The following TENM2 variants were observed in gnomAD, a reference collection of about 807,000 sequenced individuals.
TENM2 encodes the protein teneurin-2.
A neutral mutation model predicts 245.2 loss-of-function variants in TENM2; 52 were observed. The ratio of observed to expected loss-of-function variants is 0.21; its 90% CI spans 0.17 to 0.27. The LOEUF is 0.27. TENM2 is among the 10% of genes least tolerant of loss of function. TENM2 has a pLI of 1.00. For synonymous variants in TENM2, 1,363 were observed against 1,438.9 expected (o/e 0.95, Z 1.19); for missense variants, 3,046 against 3,666.8 (o/e 0.83, Z 4.37).
intron 2 of TENM2, among the ~76,000 whole-genome samples, chr5:167,395,150 G>A (rs1342056955): frequency 6.6e-6 from 1 of 152,046 alleles, no homozygotes; most frequent in African/African-American, 2.4e-5. Context: ...TCATTTATTT[G>A]TGTCTCTTTT....
chr5:167,065,820 T>C, the TENM2 span, among the ~76,000 whole-genome samples: 1 of 152,224 alleles, frequency 6.6e-6, no homozygotes, highest in Non-Finnish European at 1.5e-5. Flanking sequence ...TAGACAACAG[T>C]GGTCAGGATT....
At chr5:167,994,534 A>G (rs1035198661) in intron 5 of TENM2, among the ~76,000 whole-genome samples, 1 of 152,230 alleles carries the variant, frequency 6.6e-6, no homozygotes, top group East Asian at 1.9e-4. Flanking sequence ...AGGCAGACCA[A>G]TATGAGCCAA....
chr5:168,146,723 A>ATCATCATT (rs1346023461), intron 12 of TENM2, among the ~76,000 whole-genome samples: 2 of 152,204 alleles, frequency 1.3e-5, no homozygotes, highest in African/African-American at 4.8e-5. Flanking sequence ...TACTGTTAGC[A>ATCATCATT]TCATCATTTC....
the TENM2 span, among the ~76,000 whole-genome samples, chr5:167,248,528 C>A: frequency 6.6e-6 from 1 of 152,102 alleles, no homozygotes; most frequent in African/African-American, 2.4e-5. Flanking sequence ...GATACTTGGA[C>A]TACACTTTGA....
At chr5:168,149,067 A>G (rs968390833) in intron 12 of TENM2, among the ~76,000 whole-genome samples, 5 of 152,096 alleles carry the variant, frequency 3.3e-5, no homozygotes, top group Non-Finnish European at 5.9e-5. Context: ...AAGAGACCCT[A>G]TTGCCAAGAA....
the TENM2 span, among the ~76,000 whole-genome samples, chr5:167,047,855 G>A: frequency 6.6e-6 from 1 of 152,102 alleles, no homozygotes; most frequent in Non-Finnish European, 1.5e-5. Flanking sequence ...TACTACATCA[G>A]GGAACAAGTG....
At chr5:167,171,256 C>G in the TENM2 span, among the ~76,000 whole-genome samples, 1 of 152,276 alleles carries the variant, frequency 6.6e-6, no homozygotes, top group South Asian at 2.1e-4. Flanking sequence ...TTTACCATAA[C>G]TATACATTTG....
chr5:168,134,096 A>C (rs1488178092), intron 12 of TENM2, among the ~76,000 whole-genome samples: 2 of 152,118 alleles, frequency 1.3e-5, no homozygotes, highest in Non-Finnish European at 2.9e-5. Context: ...TGGAGGTTGC[A>C]GTGAGCTGAG....
intron 2 of TENM2, among the ~76,000 whole-genome samples, chr5:167,849,699 G>T (rs527502122): frequency 1.3e-5 from 2 of 152,238 alleles, no homozygotes; most frequent in East Asian, 3.9e-4. Context: ...CCTTCCTTGG[G>T]TTCTATTAAT....
At chr5:167,586,676 T>TA (rs1447204517) in intron 2 of TENM2, among the ~76,000 whole-genome samples, 1 of 152,114 alleles carries the variant, frequency 6.6e-6, no homozygotes, top group Non-Finnish European at 1.5e-5. Flanking sequence ...AGAGGTAATT[T>TA]AAAAAATGGA....
At chr5:167,453,783 C>T (rs1045121296) in intron 2 of TENM2, among the ~76,000 whole-genome samples, 6 of 152,158 alleles carry the variant, frequency 3.9e-5, no homozygotes, top group Non-Finnish European at 7.3e-5. Context: ...AAAACATCCA[C>T]TCATCTCAAC....
chr5:167,778,640 G>GA (rs1763973373), intron 2 of TENM2, among the ~76,000 whole-genome samples: 1 of 152,192 alleles, frequency 6.6e-6, no homozygotes, highest in Middle Eastern at 3.4e-3. Context: ...AAACACTTGG[G>GA]TTTTTTTCCC....
At chr5:167,842,216 G>T (rs1267705932) in intron 2 of TENM2, among the ~76,000 whole-genome samples, 2 of 152,050 alleles carry the variant, frequency 1.3e-5, no homozygotes, top group Non-Finnish European at 2.9e-5. Flanking sequence ...GGATGATATT[G>T]TTTGTCTCCT....
chr5:168,202,714 T>C (rs970706755), intron 17 of TENM2, among the ~76,000 whole-genome samples: 1 of 151,776 alleles, frequency 6.6e-6, no homozygotes, highest in African/African-American at 2.4e-5. Flanking sequence ...TACATAGAGT[T>C]TTTTAAAGAT....
chr5:168,035,365 T>C (rs377046714), intron 5 of TENM2, among the ~76,000 whole-genome samples: 36 of 152,190 alleles, frequency 2.4e-4, no homozygotes, highest in African/African-American at 8.4e-4. Flanking sequence ...GACATGGTGA[T>C]GCATGCCTGT....
intron 2 of TENM2, among the ~76,000 whole-genome samples, chr5:167,863,172 G>C (rs1359964730): frequency 6.6e-6 from 1 of 152,134 alleles, no homozygotes; most frequent in Non-Finnish European, 1.5e-5. Flanking sequence ...TGGTATTGTT[G>C]GAAGGATTTC....
chr5:167,614,228 T>A (rs1777643093), intron 2 of TENM2, among the ~76,000 whole-genome samples: 1 of 152,184 alleles, frequency 6.6e-6, no homozygotes, highest in Non-Finnish European at 1.5e-5. Flanking sequence ...ATCTTTTGAA[T>A]GTCTTTAATT....
exon 3 of TENM2, chr5:167,876,163 C>T: frequency 6.4e-7 from 1 of 1,551,634 alleles, no homozygotes; most frequent in Non-Finnish European, 8.7e-7. Context: ...CTGCTCAGAG[C>T]ATGCTCAGGG....
chr5:167,248,797 TGC>T, the TENM2 span, among the ~76,000 whole-genome samples: 7 of 42,158 alleles, frequency 1.7e-4, no homozygotes, highest in Non-Finnish European at 2.0e-4. Flanking sequence ...TATATATGTG[TGC>T]GTGTGTGTGT....
Sources: allele counts gnomAD v4.1 joint callset (sites outside exome capture counted in the v4.1 genomes callset), GRCh38; gene constraint gnomAD v4.1.1; transcripts MANE v1.5; gene names NCBI Gene and HGNC (gene_info 2026-07-23, HGNC 2026-07-21).